RSU1: variants seen among roughly 807,000 people sequenced by gnomAD.
RSU1 encodes the protein Ras suppressor protein 1, also known as rsu-1.
RSU1 carries 26 observed loss-of-function variants against 31.1 expected under a neutral mutation model. That is an observed-to-expected ratio of 0.84 (90% CI 0.61 to 1.16). RSU1 has a LOEUF of 1.16. RSU1 is among the 50% of genes most tolerant of loss of function. RSU1 has a pLI of 0.00. For synonymous variants in RSU1, 164 were observed against 136.3 expected (o/e 1.20, Z -1.41); for missense variants, 320 against 339.1 (o/e 0.94, Z 0.44).
intron 7 of RSU1, among the ~76,000 whole-genome samples, chr10:16,743,082 C>G (rs917361406): frequency 6.6e-5 from 10 of 152,078 alleles, no homozygotes; most frequent in African/African-American, 2.4e-4. Context: ...AATATTAATG[C>G]AGAATTAAAA....
chr10:16,742,895 A>G (rs1441472898), intron 7 of RSU1, among the ~76,000 whole-genome samples: 1 of 152,194 alleles, frequency 6.6e-6, no homozygotes, highest in African/African-American at 2.4e-5. Context: ...TAGCATTTTA[A>G]AAATCCATGC....
At position 16,817,023 on chromosome 10, in the gene RSU1, A is replaced by T; in HGVS notation, c.59T>A (p.Val20Glu). The T allele has an allele frequency of 6.2e-7, 1 of 1,614,188 alleles. No homozygotes were observed. The change falls in exon 2 of 9, where the codon GTG (valine) becomes GAG (glutamate). Residue 20 changes from valine (V) to glutamate (E), a missense_variant. Physicochemically the swap from Val to Glu is moderately radical, Grantham distance 121. Transcript: ENST00000345264. ...GGAGATGCCCCGGTCACTCATGTCCACCTCGGGCTGGTTCTTCTCCCGGCT... is the reference window on the plus strand; with the variant it reads ...GGAGATGCCCCGGTCACTCATGTCCTCCTCGGGCTGGTTCTTCTCCCGGCT... ...EESREKNQPEVDMSDRGISNM... is the reference protein window; with the variant it reads ...EESREKNQPEEDMSDRGISNM...
At chr10:16,783,714 G>A (rs1339302046) in intron 2 of RSU1, among the ~76,000 whole-genome samples, 1 of 151,398 alleles carries the variant, frequency 6.6e-6, no homozygotes, top group African/African-American at 2.4e-5. Context: ...TTATAGAGAA[G>A]TTCAAAATGC....
chr10:16,716,103 G>A (rs887078171), intron 7 of RSU1, among the ~76,000 whole-genome samples: 2 of 152,150 alleles, frequency 1.3e-5, no homozygotes, highest in Admixed American at 1.3e-4. Context: ...TCCTTAGTCG[G>A]AATTCTTGAT....
intron 7 of RSU1, among the ~76,000 whole-genome samples, chr10:16,733,769 C>T (rs1229153287): frequency 6.6e-6 from 1 of 152,128 alleles, no homozygotes. Context: ...CTTGAATGAG[C>T]TTGAATGAGA....
intron 8 of RSU1, among the ~76,000 whole-genome samples, chr10:16,605,420 A>G (rs921403657): frequency 2.0e-5 from 3 of 152,180 alleles, no homozygotes; most frequent in Non-Finnish European, 4.4e-5. Flanking sequence ...TGACTTAATG[A>G]AAGTGTGTAT....
At chr10:16,785,165 C>T (rs538575676) in intron 2 of RSU1, among the ~76,000 whole-genome samples, 11 of 152,236 alleles carry the variant, frequency 7.2e-5, no homozygotes, top group African/African-American at 2.6e-4. Context: ...ATCTAATCAG[C>T]TGCCAGCATG....
intron 8 of RSU1, among the ~76,000 whole-genome samples, chr10:16,627,519 C>T (rs1003590097): frequency 7.2e-5 from 11 of 151,858 alleles, no homozygotes; most frequent in African/African-American, 2.4e-4. Context: ...TTTGGGAGAC[C>T]GAGGCAGGTG....
chr10:16,667,934 C>T (rs1228567709), intron 8 of RSU1, among the ~76,000 whole-genome samples: 2 of 151,998 alleles, frequency 1.3e-5, no homozygotes, highest in Admixed American at 6.5e-5. Flanking sequence ...TAGAAAAAAA[C>T]GTATTAATCA....
chr10:16,682,351 T>C lies in RSU1; in HGVS notation c.731+12672A>G, dbSNP rs573159438. 2.2e-4 allele frequency among the ~76,000 whole-genome samples: 34 copies of C among 152,260 alleles called. No individual in the cohort carries two copies. In the South Asian group the frequency reaches 6.2e-3, roughly 28 times the overall value. ...TAGTTACGGGAACAGACTGATAATG[T>C]TGACTAAACAGACCCAGACTTGGGA... On this transcript the variant is annotated intron_variant, in intron 8 of 8. Transcript: ENST00000345264.
chr10:16,800,605 A>T (rs979806729), intron 2 of RSU1, among the ~76,000 whole-genome samples: 1 of 152,240 alleles, frequency 6.6e-6, no homozygotes, highest in African/African-American at 2.4e-5. Flanking sequence ...TAATTACAAA[A>T]GGCGTAACAG....
Position 16,782,235 on chromosome 10 carries a change from C to A in RSU1, c.110-151G>T, listed in dbSNP as rs371856760. ...AATAGAAGCTAGGATTCATGTAACA[C>A]GATCTATTCAATGTTAAACCAAAGG... On this transcript the variant is annotated intron_variant, in intron 2 of 8. Transcript: ENST00000345264. The A allele has an allele frequency of 1.8e-4, 109 of 621,468 alleles. No individual in the cohort carries two copies. In the African/African-American group the frequency reaches 1.9e-3, roughly 11 times the overall value. 38.5% of individuals were successfully genotyped at this position (621,468 alleles called of 1,614,324 possible). A position where few individuals can be genotyped will look rare whatever the true frequency, so the allele number is the denominator to read the frequency against.
At chr10:16,690,138 C>G (rs1835516279) in intron 8 of RSU1, among the ~76,000 whole-genome samples, 1 of 151,868 alleles carries the variant, frequency 6.6e-6, no homozygotes, top group Non-Finnish European at 1.5e-5. Flanking sequence ...GACTGCCTCT[C>G]CTGGGGGAAA....
chr10:16,600,567 TA>T (rs1204678219), intron 8 of RSU1, among the ~76,000 whole-genome samples: 68 of 114,038 alleles, frequency 6.0e-4, no homozygotes, highest in East Asian at 4.8e-3. Flanking sequence ...TTTTTTTTTT[TA>T]GGGGGGGGTG....
At chr10:16,749,474 T>C (rs1244054886) in intron 7 of RSU1, among the ~76,000 whole-genome samples, 1 of 152,048 alleles carries the variant, frequency 6.6e-6, no homozygotes, top group Admixed American at 6.5e-5. Context: ...ATGTAAAAAA[T>C]ATACAGCGAG....
intron 8 of RSU1, among the ~76,000 whole-genome samples, chr10:16,644,506 A>C (rs1834501068): frequency 6.6e-6 from 1 of 152,222 alleles, no homozygotes; most frequent in African/African-American, 2.4e-5. Flanking sequence ...GCTATAACAG[A>C]CTTTACATGT....
rs1001312477 is a variant in RSU1, at chr10:16,758,888, G to A, written c.282-3899C>T. Among the ~76,000 whole-genome samples the A allele has an allele frequency of 4.6e-5, 7 of 152,142 alleles. No individual in the cohort carries two copies. In the East Asian group the frequency reaches 5.8e-4, roughly 13 times the overall value. ...CTCAGGTGTTGAAACATAAAGCTTC[G>A]CAGGGCTCAGCTATGCCAAGTGGTA... is the stretch of plus-strand genomic sequence containing the variant. On this transcript the variant is annotated intron_variant, in intron 4 of 8. Coordinates refer to ENST00000345264, the MANE Select transcript of RSU1 (RefSeq NM_012425.4).
chr10:16,616,782 T>G (rs527400332), intron 8 of RSU1, among the ~76,000 whole-genome samples: 9 of 152,346 alleles, frequency 5.9e-5, no homozygotes, highest in African/African-American at 2.2e-4. Context: ...ATTATCTCCA[T>G]AGATGCAGAA....
At chr10:16,602,994 G>T (rs1833736888) in intron 8 of RSU1, among the ~76,000 whole-genome samples, 1 of 152,120 alleles carries the variant, frequency 6.6e-6, no homozygotes, top group South Asian at 2.1e-4. Flanking sequence ...AAAATTAACA[G>T]TTACCCTAAT....
Sources: allele counts gnomAD v4.1 joint callset (sites outside exome capture counted in the v4.1 genomes callset), GRCh38; gene constraint gnomAD v4.1.1; transcripts MANE v1.5; gene names NCBI Gene and HGNC (gene_info 2026-07-23, HGNC 2026-07-21).